JAKMIP1: variants seen among roughly 807,000 people sequenced by gnomAD.
The protein encoded by JAKMIP1 is janus kinase and microtubule interacting protein 1, also known as janus kinase and microtubule-interacting protein 1.
JAKMIP1 carries 33 observed loss-of-function variants against 113.0 expected under a neutral mutation model. The observed-to-expected ratio is 0.29, with a 90% CI of 0.22 to 0.39. The LOEUF (loss-of-function observed/expected upper bound fraction) is 0.39. Ranked by LOEUF, JAKMIP1 falls within the 10% of genes least tolerant of loss-of-function variation. The pLI is 1.00. For synonymous variants in JAKMIP1, 480 were observed against 459.9 expected, an observed-to-expected ratio of 1.04 and a Z score of -0.56; for missense variants, 813 against 1,080.5, an observed-to-expected ratio of 0.75 and a Z score of 3.47.
rs1409685417 is a variant in JAKMIP1 at position 6,154,937 on chromosome 4, A to C, written c.-147-41940T>G. Among the ~76,000 whole-genome samples the C allele has an allele frequency of 6.6e-6, 1 of 152,084 alleles. No homozygotes were observed. The highest frequency in any genetic ancestry group is 1.5e-5 in the Non-Finnish European group (1 of 68,000). On this transcript the variant is annotated intron_variant, in intron 1 of 20. Coordinates refer to ENST00000409021, the MANE Select transcript of JAKMIP1 (RefSeq NM_001099433.2). This position sits in a 1 kb window ranked among gnomAD's most constrained non-coding sequence, Gnocchi z 4.2. ...ACAAACCAACACAGAGCACGCAGGG[A>C]AAGGTGCGGGGTAGGGTGGGGGGTC...
At chr4:6,105,451 CG>C in intron 3 of JAKMIP1, 21 bp downstream of exon 3, 2 of 1,562,270 alleles carry the variant, frequency 1.3e-6, no homozygotes. Context: ...TGCCCGCGGG[CG>C]GGGGAGGGGG....
Position 6,188,395 on chromosome 4 carries a change from T to A in JAKMIP1, c.-148+11858A>T, listed in dbSNP as rs887950145. On this transcript the variant is annotated intron_variant, in intron 1 of 20. Transcript: ENST00000409021. The surrounding 1 kb of genome is among the most constrained non-coding windows in gnomAD (Gnocchi z 5.8). ...CTGTGGCACTGTTCTCACAGACACC[T>A]GCACAGGAGGTTCTGATAAGGAGAG... Among the ~76,000 whole-genome samples, 1 of 152,220 alleles carries A rather than the reference T, an allele frequency of 6.6e-6. No homozygotes were observed. The highest frequency in any genetic ancestry group is 1.5e-5 in the Non-Finnish European group (1 of 68,040).
intron 16 of JAKMIP1, among the ~76,000 whole-genome samples, chr4:6,047,401 G>C (rs1432599976): frequency 6.6e-6 from 1 of 152,246 alleles, no homozygotes; most frequent in Non-Finnish European, 1.5e-5. Flanking sequence ...AGCCACGGAG[G>C]GTTTTGCTGC....
At position 6,044,904 on chromosome 4, in the gene JAKMIP1, G is replaced by A. The variant is rs571051780; in HGVS notation, c.2029-2677C>T. ...CACTCCTGGGAGAAACAGCGTTCAT[G>A]GTTCTGCTCCAACCCCAGGAGAGGG... On this transcript the variant is annotated intron_variant, in intron 16 of 20. Transcript: ENST00000409021. The surrounding 1 kb of genome is among the most constrained non-coding windows in gnomAD (Gnocchi z 4.4). Among the ~76,000 whole-genome samples the A allele has an allele frequency of 6.6e-6, 1 of 152,368 alleles. No homozygotes were observed. The highest frequency in any genetic ancestry group is 2.4e-5 in the African/African-American group (1 of 41,590).
Position 6,138,858 on chromosome 4 carries a change from C to T in JAKMIP1, c.-147-25861G>A, listed in dbSNP as rs1055880822. 6.6e-6 allele frequency among the ~76,000 whole-genome samples: 1 copy of T among 152,104 alleles called. No individual in the cohort carries two copies. The highest frequency in any genetic ancestry group is 1.5e-5 in the Non-Finnish European group (1 of 68,040). On this transcript the variant is annotated intron_variant, in intron 1 of 20. Coordinates refer to ENST00000409021, the MANE Select transcript of JAKMIP1 (RefSeq NM_001099433.2). The surrounding 1 kb of genome is among the most constrained non-coding windows in gnomAD (Gnocchi z 6.0). ...ATCATAGTACCTGCCCCGGCAAAAG[C>T]GAATGCGCACAGAGCACTTTCAACA...
chr4:6,125,911 C>CATACACACCATGTAGAAACACACACT (rs1717454649), intron 1 of JAKMIP1, among the ~76,000 whole-genome samples: 1 of 119,122 alleles, frequency 8.4e-6, no homozygotes, highest in Non-Finnish European at 1.7e-5. Flanking sequence ...ACACACACAC[C>CATACACACCATGTAGAAACACACACT]ATACACACCA....
rs920903790 is a variant in JAKMIP1, at chr4:6,192,086, C to A, written c.-148+8167G>T. ...TAGTTGGGATTACAGGCGTGTGCCA[C>A]CATGCCCAGCTAATTTTTGTATTTT... On this transcript the variant is annotated intron_variant, in intron 1 of 20. Transcript: ENST00000409021. The surrounding 1 kb of genome is among the most constrained non-coding windows in gnomAD (Gnocchi z 5.0). 4.6e-5 allele frequency among the ~76,000 whole-genome samples: 7 copies of A among 152,234 alleles called. No homozygotes were observed. Among genetic ancestry groups the A allele is most frequent in the African/African-American group, 1.7e-4 (7 of 41,544 alleles).
At chr4:6,131,382 C>A (rs866016279) in intron 1 of JAKMIP1, among the ~76,000 whole-genome samples, 2,771 of 124,906 alleles carry the variant, frequency 0.022, 45 homozygotes, top group African/African-American at 0.064. Flanking sequence ...AAAAAAAAAA[C>A]AAAACCCTAC....
chr4:6,105,672 C>T lies in JAKMIP1; in HGVS notation c.425G>A (p.Arg142Lys), dbSNP rs1713802936. 2 of 1,602,564 alleles carry T rather than the reference C, an allele frequency of 1.2e-6. No individual in the cohort carries two copies. The highest frequency in any genetic ancestry group is 1.7e-5 in the Admixed American group (1 of 58,932). The change falls in exon 3 of 21, where the codon AGG (arginine) becomes AAG (lysine). Residue 142 changes from arginine (R) to lysine (K), a missense_variant. Arg to Lys is a conservative substitution (Grantham distance 26). Around this residue, in one of 2 missense-constraint regions of JAKMIP1, gnomAD observed 540 missense variants for 653.9 expected, o/e 0.83. Transcript: ENST00000409021. The stretch of plus-strand genomic sequence containing the variant: ...CCGCAGGCGCTCTCCATCGAAGGCC[C>T]TGCGCGCCTCCTCGCGCGCCTCGGT... ...LLTEAREEARRAFDGERLRLQ... is the reference protein window; with the variant it reads ...LLTEAREEARKAFDGERLRLQ...
chr4:6,162,109 T>C lies in JAKMIP1; in HGVS notation c.-148+38144A>G, dbSNP rs1016466878. Among the ~76,000 whole-genome samples, 1 of 147,858 alleles carries C rather than the reference T, an allele frequency of 6.8e-6. No homozygotes were observed. The highest frequency in any genetic ancestry group is 2.7e-5 in the African/African-American group (1 of 37,444). On this transcript the variant is annotated intron_variant, in intron 1 of 20. Transcript: ENST00000409021. The surrounding 1 kb of genome is among the most constrained non-coding windows in gnomAD (Gnocchi z 5.6). ...TCAGCCATGTCTGGGACGGGGTAGA[T>C]TATGGGCCAGACGGGGGGCCAAGAG...
Position 6,065,210 on chromosome 4 carries a change from C to T in JAKMIP1, c.1303-202G>A, listed in dbSNP as rs369883731. ...AGGTGGCGGATGACCCTAGGGTTTA[C>T]AGCCTGAGCGAGCTAGTCTGGCCCT... On this transcript the variant is annotated intron_variant, in intron 8 of 20. Transcript: ENST00000409021. This position sits in a 1 kb window ranked among gnomAD's most constrained non-coding sequence, Gnocchi z 5.1. Among the ~76,000 whole-genome samples, 70 of 152,310 alleles carry T rather than the reference C, an allele frequency of 4.6e-4. 2 individuals carry two copies. In the South Asian group the frequency reaches 0.014, roughly 31 times the overall value.
rs940950142 is a variant in JAKMIP1, at chr4:6,197,142, C to G, written c.-148+3111G>C. ...AGTGCTGATATTTCCTTACGTGGCC[C>G]TCATTCCCCTTATCCAGACAAAAGA... On this transcript the variant is annotated intron_variant, in intron 1 of 20. Transcript: ENST00000409021. This position sits in a 1 kb window ranked among gnomAD's most constrained non-coding sequence, Gnocchi z 6.5. 2.0e-5 allele frequency among the ~76,000 whole-genome samples: 3 copies of G among 152,172 alleles called. No homozygotes were observed. Among genetic ancestry groups the G allele is most frequent in the Non-Finnish European group, 4.4e-5 (3 of 68,034 alleles).
Position 6,188,433 on chromosome 4 carries a change from C to T in JAKMIP1, c.-148+11820G>A, listed in dbSNP as rs1578508358. On this transcript the variant is annotated intron_variant, in intron 1 of 20. Coordinates refer to ENST00000409021, the MANE Select transcript of JAKMIP1 (RefSeq NM_001099433.2). This position sits in a 1 kb window ranked among gnomAD's most constrained non-coding sequence, Gnocchi z 5.8. Reference sequence around the variant, plus strand: ...CTGATAAGGAGAGGTCCTTTCTCCACTTCCAACAATAAACAGATAAGACAC... The same window carrying T: ...CTGATAAGGAGAGGTCCTTTCTCCATTTCCAACAATAAACAGATAAGACAC... Among the ~76,000 whole-genome samples the T allele has an allele frequency of 6.6e-6, 1 of 152,286 alleles. No individual in the cohort carries two copies. The highest frequency in any genetic ancestry group is 3.4e-3 in the Middle Eastern group (1 of 294).
chr4:6,078,579 C>G (rs757270169), intron 8 of JAKMIP1, among the ~76,000 whole-genome samples: 2 of 152,054 alleles, frequency 1.3e-5, no homozygotes, highest in Non-Finnish European at 1.5e-5. Flanking sequence ...AAACACAAAG[C>G]TCCTGATTTT....
intron 2 of JAKMIP1, among the ~76,000 whole-genome samples, chr4:6,111,526 C>G (rs190630432): frequency 5.3e-5 from 8 of 152,334 alleles, no homozygotes; most frequent in Admixed American, 5.2e-4. Context: ...ATCAGATCCT[C>G]ATGACCATCT....
intron 1 of JAKMIP1, among the ~76,000 whole-genome samples, chr4:6,146,816 G>A (rs1236531679): frequency 1.3e-5 from 2 of 152,282 alleles, no homozygotes; most frequent in Non-Finnish European, 2.9e-5. Flanking sequence ...ACTTGGGTCT[G>A]AACTCCAAAG....
chr4:6,037,979 C>T (rs1409918007), intron 18 of JAKMIP1, among the ~76,000 whole-genome samples: 2 of 125,866 alleles, frequency 1.6e-5, no homozygotes, highest in African/African-American at 7.6e-5. Flanking sequence ...GAGGCAGAGG[C>T]TAACCAGTAG....
At chr4:6,171,164 TCCATCACCATTACCACCA>T (rs1403334937) in intron 1 of JAKMIP1, among the ~76,000 whole-genome samples, 4 of 128,768 alleles carry the variant, frequency 3.1e-5, no homozygotes, top group Admixed American at 3.0e-4. Flanking sequence ...CACCACCATC[TCCATCACCATTACCACCA>T]CCATCACCAT....
chr4:6,118,642 C>A (rs187256118), intron 1 of JAKMIP1, among the ~76,000 whole-genome samples: 41 of 152,188 alleles, frequency 2.7e-4, no homozygotes, highest in African/African-American at 9.4e-4. Flanking sequence ...AGGCCTCCTG[C>A]AAAATTTCCT....
Sources: allele counts gnomAD v4.1 joint callset (sites outside exome capture counted in the v4.1 genomes callset), GRCh38; gene constraint gnomAD v4.1.1; regional missense constraint gnomAD v4.1.1; non-coding constraint Gnocchi (gnomAD v3.1); transcripts MANE v1.5; gene names NCBI Gene and HGNC (gene_info 2026-07-23, HGNC 2026-07-21).